ODAD2: variants seen among roughly 807,000 people sequenced by gnomAD.
ODAD2 encodes the protein outer dynein arm docking complex subunit 2.
In ODAD2, 89 loss-of-function variants were observed where a neutral mutation model predicts 106.8. The ratio of observed to expected loss-of-function variants is 0.83; its 90% confidence interval spans 0.70 to 0.99. The LOEUF is 0.99. Among genes scored for constraint, ODAD2 ranks in the 50% least tolerant of loss-of-function variants. ODAD2 has a pLI of 0.00. For missense variants in ODAD2, 1,168 were observed against 1,238.5 expected, an observed-to-expected ratio of 0.94 and a Z score of 0.85; for synonymous variants, 404 against 436.2, an observed-to-expected ratio of 0.93 and a Z score of 0.92.
chr10:27,940,079 A>T, intron 13 of ODAD2, 72 bp from the exon 14 acceptor site: 1 of 1,016,896 alleles, frequency 9.8e-7, no homozygotes, highest in Non-Finnish European at 1.4e-6. Flanking sequence ...TTATTAATAA[A>T]CATGCTGAAC....
Position 27,962,971 on chromosome 10 carries a change from C to T in ODAD2, c.1239-1256G>A, listed in dbSNP as rs1008788035. 2.6e-4 allele frequency among the ~76,000 whole-genome samples: 40 copies of T among 151,968 alleles called. No individual in the cohort carries two copies. The Middle Eastern group carries it at 0.01, about 39-fold the overall frequency. The stretch of plus-strand genomic sequence containing the variant: ...TAGCTAATTTTAATATTAAATAATA[C>T]CAACAGCAGCCACCAGTTTTGTCTA... On this transcript the variant is annotated intron_variant, in intron 9 of 19. Transcript: ENST00000305242.
chr10:27,847,002 G>T (rs879654564), intron 19 of ODAD2, among the ~76,000 whole-genome samples: 8 of 152,316 alleles, frequency 5.3e-5, no homozygotes, highest in Non-Finnish European at 8.8e-5. Context: ...GTACAAGGAG[G>T]AGCGGGGACC....
intron 10 of ODAD2, among the ~76,000 whole-genome samples, chr10:27,951,851 G>T (rs1458333608): frequency 6.6e-6 from 1 of 151,978 alleles, no homozygotes; most frequent in African/African-American, 2.4e-5. Context: ...AAGGCAGGTG[G>T]ATCATCTGAG....
At chr10:27,869,825 A>C (rs954382134) in intron 17 of ODAD2, among the ~76,000 whole-genome samples, 1 of 152,080 alleles carries the variant, frequency 6.6e-6, no homozygotes, top group Non-Finnish European at 1.5e-5. Context: ...ATGAGCCACC[A>C]TGCCTGGCCG....
chr10:27,862,401 T>C (rs747502734), intron 18 of ODAD2, 33 bp downstream of exon 18: 1 of 1,537,076 alleles, frequency 6.5e-7, no homozygotes, highest in East Asian at 2.3e-5. Context: ...CTCAGGACAA[T>C]ATGCATGTAA....
intron 19 of ODAD2, among the ~76,000 whole-genome samples, chr10:27,854,317 G>T (rs1263704973): frequency 3.9e-5 from 6 of 152,074 alleles, no homozygotes; most frequent in Admixed American, 6.6e-5. Flanking sequence ...AAAAGTTAAA[G>T]GTACACATAC....
At chr10:27,885,738 TATG>T in intron 17 of ODAD2, among the ~76,000 whole-genome samples, 1 of 16,388 alleles carries the variant, frequency 6.1e-5, no homozygotes, top group African/African-American at 1.2e-4. Context: ...TAAAATATAT[TATG>T]TTATATATAA....
chr10:27,969,205 G>C (rs1008995296), intron 8 of ODAD2, among the ~76,000 whole-genome samples, 187 bp from the exon 9 acceptor site: 3 of 152,002 alleles, frequency 2.0e-5, no homozygotes, highest in African/African-American at 7.3e-5. Flanking sequence ...ACAGCCCTAT[G>C]TTTTACATAT....
chr10:27,870,557 A>C (rs1356095668), intron 17 of ODAD2, among the ~76,000 whole-genome samples: 1 of 151,394 alleles, frequency 6.6e-6, no homozygotes, highest in East Asian at 1.9e-4. Flanking sequence ...TCCTGTGTCC[A>C]AGTGTTCTCA....
intron 17 of ODAD2, among the ~76,000 whole-genome samples, chr10:27,900,331 A>G (rs1843114775): frequency 6.6e-6 from 1 of 152,224 alleles, no homozygotes; most frequent in Non-Finnish European, 1.5e-5. Flanking sequence ...CTCAAAGACC[A>G]AAGGTAGATA....
In ODAD2 at chr10:27,885,687, T is replaced by TATTTTATATAA. The variant is rs1842102875; in HGVS notation, c.2610+21975_2610+21976insTTATATAAAAT. On this transcript the variant is annotated intron_variant, in intron 17 of 19. Coordinates refer to ENST00000305242, the MANE Select transcript of ODAD2 (RefSeq NM_018076.5). ...TTATATATAAAATATATATAATATA[T>TATTTTATATAA]AATATATAATATATATAAAATATAT... 3.3e-5 allele frequency among the ~76,000 whole-genome samples: 2 copies of TATTTTATATAA among 61,210 alleles called. 1 individual carries two copies. The highest frequency in any genetic ancestry group is 6.2e-4 in the Admixed American group (2 of 3,226). 40.2% of individuals were successfully genotyped at this position (61,210 alleles called of 152,430 possible). A position where few individuals can be genotyped will look rare whatever the true frequency, so the allele number is the denominator to read the frequency against.
chr10:27,892,381 C>A (rs1000275520), intron 17 of ODAD2, among the ~76,000 whole-genome samples: 1 of 152,110 alleles, frequency 6.6e-6, no homozygotes, highest in African/African-American at 2.4e-5. Context: ...AAAGACCGTG[C>A]GGCTTTCTAA....
intron 16 of ODAD2, among the ~76,000 whole-genome samples, chr10:27,931,670 T>G (rs1845627562): frequency 1.3e-5 from 2 of 151,128 alleles, no homozygotes. Flanking sequence ...TAATACTTGC[T>G]TAAAACAGTT....
intron 16 of ODAD2, among the ~76,000 whole-genome samples, chr10:27,921,195 G>A (rs139354142): frequency 4.8e-4 from 73 of 151,352 alleles, no homozygotes; most frequent in African/African-American, 1.6e-3. Flanking sequence ...TAAAGAACAC[G>A]AAATTTGGAG....
At chr10:27,843,549 T>G (rs1401650616) in intron 19 of ODAD2, among the ~76,000 whole-genome samples, 1 of 152,142 alleles carries the variant, frequency 6.6e-6, no homozygotes, top group Admixed American at 6.5e-5. Context: ...GTGGATCATT[T>G]AAGGTCAGGA....
At chr10:27,993,715 GAA>G (rs1850368734) in intron 2 of ODAD2, among the ~76,000 whole-genome samples, 2 of 152,028 alleles carry the variant, frequency 1.3e-5, no homozygotes, top group Non-Finnish European at 2.9e-5. Flanking sequence ...ACCAATAGAA[GAA>G]TTAAAGAGCT....
At chr10:27,960,170 A>G (rs903092355) in intron 10 of ODAD2, among the ~76,000 whole-genome samples, 1 of 152,010 alleles carries the variant, frequency 6.6e-6, no homozygotes, top group Non-Finnish European at 1.5e-5. Context: ...AGTCCAGACT[A>G]AAAACATATT....
At chr10:27,970,321 T>C (rs114598725) in intron 8 of ODAD2, among the ~76,000 whole-genome samples, 1,748 of 152,220 alleles carry the variant, frequency 0.011, 31 homozygotes, top group African/African-American at 0.04. Flanking sequence ...CTCTAGCCTT[T>C]TCATGGTATT....
chr10:27,902,266 A>C (rs1451603050), intron 17 of ODAD2, among the ~76,000 whole-genome samples: 1 of 152,208 alleles, frequency 6.6e-6, no homozygotes, highest in African/African-American at 2.4e-5. Flanking sequence ...GATGAGAACA[A>C]TGACACAGCG....
Sources: allele counts gnomAD v4.1 joint callset (sites outside exome capture counted in the v4.1 genomes callset), GRCh38; gene constraint gnomAD v4.1.1; transcripts MANE v1.5; gene names NCBI Gene and HGNC (gene_info 2026-07-23, HGNC 2026-07-21).